EPHX2: variants seen among roughly 807,000 people sequenced by gnomAD.
EPHX2 encodes the protein epoxide hydrolase 2, also known as bifunctional epoxide hydrolase 2.
Under a neutral mutation model 78.7 loss-of-function variants are expected in EPHX2, and 74 were observed. The ratio of observed to expected loss-of-function variants is 0.94; its 90% CI spans 0.78 to 1.14. EPHX2 has a LOEUF of 1.14. Ranked by LOEUF, EPHX2 falls within the 50% of genes most tolerant of loss-of-function variation. The probability of loss-of-function intolerance (pLI) is 0.00; values close to 1 mark genes in which losing one functional copy is unlikely to be tolerated. For missense variants in EPHX2, 715 were observed against 702.5 expected (o/e 1.02, Z -0.20); for synonymous variants, 251 against 255.2 (o/e 0.98, Z 0.16).
chr8:27,497,518 G>A (rs147872529), intron 1 of EPHX2, among the ~76,000 whole-genome samples: 1,923 of 152,212 alleles, frequency 0.013, 43 homozygotes, highest in African/African-American at 0.044. Flanking sequence ...TTTTTGGCCT[G>A]TTCCTCTTGG....
intron 2 of EPHX2, among the ~76,000 whole-genome samples, chr8:27,503,397 G>A (rs756498431): frequency 6.6e-6 from 1 of 152,124 alleles, no homozygotes; most frequent in Non-Finnish European, 1.5e-5. Context: ...CATTTGGGTC[G>A]TTTCTGGTTT....
At chr8:27,502,483 AC>A (rs1452029819) in intron 2 of EPHX2, among the ~76,000 whole-genome samples, 1 of 152,220 alleles carries the variant, frequency 6.6e-6, no homozygotes, top group African/African-American at 2.4e-5. Context: ...GCTGCTACCT[AC>A]AGCAAATATG....
chr8:27,497,601 T>C (rs1813620144), intron 1 of EPHX2, among the ~76,000 whole-genome samples: 1 of 152,194 alleles, frequency 6.6e-6, no homozygotes. Flanking sequence ...CAGGGATAGC[T>C]TTTGGAGCTT....
At chr8:27,507,891 T>G (rs896613561) in intron 5 of EPHX2, among the ~76,000 whole-genome samples, 18 of 152,162 alleles carry the variant, frequency 1.2e-4, no homozygotes, top group African/African-American at 4.3e-4. Flanking sequence ...GCTTCCTAAC[T>G]TCCTCCTTTT....
intron 5 of EPHX2, among the ~76,000 whole-genome samples, chr8:27,509,427 TTTTTC>T (rs1206343123): frequency 1.3e-5 from 2 of 152,254 alleles, no homozygotes; most frequent in East Asian, 1.9e-4. Flanking sequence ...GGAAATTCTG[TTTTTC>T]TTTTCTTTTA....
intron 12 of EPHX2, among the ~76,000 whole-genome samples, chr8:27,526,940 T>C (rs1814866247): frequency 6.6e-6 from 1 of 151,968 alleles, no homozygotes; most frequent in East Asian, 1.9e-4. Context: ...GTATTTTTTA[T>C]TTTTATTTTA....
Position 27,509,814 on chromosome 8 carries a change from G to A in EPHX2, c.661-2022G>A, listed in dbSNP as rs567061344. ...TCTGTTTCTCAGAGGAAGGCAGTGG[G>A]CGTCAGTCATGAACAGCCTTTGTAA... On this transcript the variant is annotated intron_variant, in intron 5 of 18. Coordinates refer to ENST00000521400, the MANE Select transcript of EPHX2 (RefSeq NM_001979.6). Among the ~76,000 whole-genome samples, 4 of 152,356 alleles carry A rather than the reference G, an allele frequency of 2.6e-5. No individual in the cohort carries two copies. In the South Asian group the frequency reaches 8.3e-4, roughly 32 times the overall value.
Position 27,544,168 on chromosome 8 carries a change from C to T in EPHX2, c.1531-18C>T, listed in dbSNP as rs761145035. Reference sequence around the variant, plus strand: ...CTGCCTTCTTCCATTTACCTTTCTGCCTGGGGTTTCCTTTCAGATTCCCCA... The same window carrying T: ...CTGCCTTCTTCCATTTACCTTTCTGTCTGGGGTTTCCTTTCAGATTCCCCA... On this transcript the variant is annotated intron_variant, in intron 17 of 18. Coordinates refer to ENST00000521400, the MANE Select transcript of EPHX2 (RefSeq NM_001979.6). 5 of 1,613,890 alleles carry T rather than the reference C, an allele frequency of 3.1e-6. No individual in the cohort carries two copies. The East Asian group carries it at 8.9e-5, about 29-fold the overall frequency.
chr8:27,524,876 C>T (rs1300219724), intron 11 of EPHX2, among the ~76,000 whole-genome samples: 3 of 152,072 alleles, frequency 2.0e-5, no homozygotes, highest in African/African-American at 4.8e-5. Flanking sequence ...TTATAATGAG[C>T]TCCTTGAGGA....
chr8:27,503,295 A>C (rs1242532833), intron 2 of EPHX2, among the ~76,000 whole-genome samples: 1 of 152,182 alleles, frequency 6.6e-6, no homozygotes, highest in Admixed American at 6.5e-5. Flanking sequence ...TTGTTATAGC[A>C]GCTGAGATGG....
intron 9 of EPHX2, among the ~76,000 whole-genome samples, 150 bp from the exon 10 acceptor site, chr8:27,520,725 CCTTAAAGG>C (rs1357241089): frequency 1.3e-5 from 2 of 152,170 alleles, no homozygotes; most frequent in South Asian, 2.1e-4. Context: ...TTAATCATCT[CCTTAAAGG>C]CTGTATCTTC....
At chr8:27,508,543 C>G (rs1814105098) in intron 5 of EPHX2, among the ~76,000 whole-genome samples, 1 of 152,312 alleles carries the variant, frequency 6.6e-6, no homozygotes, top group African/African-American at 2.4e-5. Flanking sequence ...TCAGGGAACC[C>G]ATGTGCTTGT....
chr8:27,511,709 A>C, intron 5 of EPHX2, 127 bp from the exon 6 acceptor site: 1 of 920,240 alleles, frequency 1.1e-6, no homozygotes, highest in Non-Finnish European at 1.7e-6. Flanking sequence ...CTGGTCAGCC[A>C]CCAGGAGGGC....
intron 6 of EPHX2, chr8:27,515,408 A>G: frequency 2.9e-6 from 1 of 349,112 alleles, no homozygotes. Flanking sequence ...AGCATCAGAA[A>G]CTGTGAGAGT....
Position 27,505,068 on chromosome 8 carries a change from G to A in EPHX2, c.459G>A (p.Ser153=), listed in dbSNP as rs146337543. 28 of 1,614,056 alleles carry A rather than the reference G, an allele frequency of 1.7e-5. No individual in the cohort carries two copies. The highest frequency in any genetic ancestry group is 6.7e-5 in the East Asian group (3 of 44,900). Residue 153 remains serine, a synonymous_variant, in exon 4 of 19, where the codon TCG becomes TCA. Coordinates refer to ENST00000521400, the MANE Select transcript of EPHX2 (RefSeq NM_001979.6). ...TGCACTTTGACTTCCTGATAGAGTC[G>A]TGTCAGGTGGGAATGGTCAAACCTG... ...LKMHFDFLIE[S]CQVGMVKPEP... is the part of the protein sequence containing the mutation.
intron 1 of EPHX2, among the ~76,000 whole-genome samples, chr8:27,496,047 C>A (rs368513569): frequency 3.3e-5 from 5 of 152,142 alleles, no homozygotes; most frequent in Non-Finnish European, 7.3e-5. Flanking sequence ...TCCCAAGGAA[C>A]CCCCACAACT....
intron 18 of EPHX2, 46 bp downstream of exon 18, chr8:27,544,290 C>G: frequency 1.9e-6 from 3 of 1,607,416 alleles, no homozygotes; most frequent in Non-Finnish European, 2.6e-6. Context: ...CAGGGCCCCC[C>G]GTTCACCTTC....
At chr8:27,493,046 C>A in intron 1 of EPHX2, 1 of 162,216 alleles carries the variant, frequency 6.2e-6, no homozygotes, top group South Asian at 1.8e-4. Context: ...TAGCAGTCCT[C>A]GGTAGAAGTT....
chr8:27,508,347 G>A (rs563975672), intron 5 of EPHX2, among the ~76,000 whole-genome samples: 16 of 152,272 alleles, frequency 1.1e-4, no homozygotes, highest in South Asian at 4.1e-4. Context: ...AGACTTTAAC[G>A]TGAATTTTGA....
Sources: gnomAD v4.1 joint callset for allele counts (sites outside exome capture counted in the v4.1 genomes callset) on GRCh38, gnomAD v4.1.1 for gene constraint, MANE v1.5 for transcripts, NCBI Gene and HGNC (gene_info 2026-07-23, HGNC 2026-07-21) for gene names.